Variants in MAN1A1 observed in about 807,000 individuals in gnomAD.
MAN1A1 encodes mannosyl-oligosaccharide 1,2-alpha-mannosidase IA.
In MAN1A1, 29 loss-of-function variants were observed where a neutral mutation model predicts 70.8. That is an observed-to-expected ratio of 0.41 (90% CI 0.31 to 0.56). The LOEUF (loss-of-function observed/expected upper bound fraction) is 0.56. MAN1A1 is among the 20% of genes least tolerant of loss of function. The pLI, the probability that MAN1A1 is intolerant of heterozygous loss-of-function variation, is 0.29. For synonymous variants in MAN1A1, 349 were observed against 330.1 expected (o/e 1.06, Z -0.62); for missense variants, 747 against 841.3 (o/e 0.89, Z 1.39).
At chr6:119,273,097 A>T (rs1035714587) in intron 5 of MAN1A1, among the ~76,000 whole-genome samples, 1 of 152,206 alleles carries the variant, frequency 6.6e-6, no homozygotes, top group East Asian at 1.9e-4. Context: ...AGTTAAAAAA[A>T]TTTAAATCTT....
At chr6:119,255,317 T>C (rs189452689) in intron 5 of MAN1A1, among the ~76,000 whole-genome samples, 4 of 152,348 alleles carry the variant, frequency 2.6e-5, no homozygotes, top group Admixed American at 6.5e-5. Context: ...TCACCATTTG[T>C]ACAAGTACAG....
intron 2 of MAN1A1, chr6:119,331,984 C>T (rs1773329504): frequency 3.9e-6 from 2 of 507,894 alleles, no homozygotes; most frequent in African/African-American, 1.9e-5. Flanking sequence ...AATTTGCTTG[C>T]CCCTTCCTGG....
intron 6 of MAN1A1, among the ~76,000 whole-genome samples, chr6:119,222,389 T>C (rs1442301952): frequency 6.7e-6 from 1 of 149,750 alleles, no homozygotes; most frequent in Non-Finnish European, 1.5e-5. Context: ...TGCAGTGGTG[T>C]GGTCATGGCT....
chr6:119,345,665 TGAC>T (rs1413052889), intron 2 of MAN1A1, among the ~76,000 whole-genome samples: 5 of 152,244 alleles, frequency 3.3e-5, no homozygotes, highest in Non-Finnish European at 7.3e-5. Flanking sequence ...TAGTATTGAC[TGAC>T]TTTGAACCAA....
chr6:119,233,857 G>T (rs1174120271), intron 6 of MAN1A1, among the ~76,000 whole-genome samples: 1 of 152,160 alleles, frequency 6.6e-6, no homozygotes, highest in African/African-American at 2.4e-5. Flanking sequence ...GTTATAGAGT[G>T]CCACCAATGC....
At chr6:119,311,278 T>G (rs1772692379) in intron 2 of MAN1A1, among the ~76,000 whole-genome samples, 1 of 152,206 alleles carries the variant, frequency 6.6e-6, no homozygotes, top group Admixed American at 6.5e-5. Flanking sequence ...TAATTTTTCC[T>G]AGTATAACAC....
At chr6:119,224,080 T>G (rs1303075922) in intron 6 of MAN1A1, among the ~76,000 whole-genome samples, 1 of 152,146 alleles carries the variant, frequency 6.6e-6, no homozygotes, top group Non-Finnish European at 1.5e-5. Context: ...GGTGGAATCC[T>G]GGAAACAAGT....
At chr6:119,193,969 T>C in intron 8 of MAN1A1, 77 bp from the exon 9 acceptor site, 1 of 815,888 alleles carries the variant, frequency 1.2e-6, no homozygotes, top group Non-Finnish European at 2.1e-6. Context: ...CATTAGCAAC[T>C]AGGATGCAAC....
chr6:119,350,441 A>G (rs1773882393), upstream of MAN1A1: 1 of 643,378 alleles, frequency 1.6e-6, no homozygotes, highest in Non-Finnish European at 1.9e-6. Context: ...CTTTTTTCGT[A>G]TGCGCCCTTT....
Position 119,211,413 on chromosome 6 carries a change from C to T in MAN1A1, c.993-6531G>A, listed in dbSNP as rs554306407. The stretch of plus-strand genomic sequence containing the variant: ...ATCAGCAACAGATATCTGTGCATCA[C>T]GCACATGTTTTATCCCAAAGTCTAC... On this transcript the variant is annotated intron_variant, in intron 6 of 12. Coordinates refer to ENST00000368468, the MANE Select transcript of MAN1A1 (RefSeq NM_005907.4). 5.9e-4 allele frequency among the ~76,000 whole-genome samples: 90 copies of T among 152,346 alleles called. 1 individual carries two copies. In the Middle Eastern group the frequency reaches 0.01, roughly 17 times the overall value.
chr6:119,295,093 ATC>A (rs1219588327), intron 4 of MAN1A1, among the ~76,000 whole-genome samples: 1 of 152,246 alleles, frequency 6.6e-6, no homozygotes, highest in African/African-American at 2.4e-5. Flanking sequence ...ATCATGCTCC[ATC>A]TCTCTGCAAA....
chr6:119,299,030 T>C (rs1338607990), intron 4 of MAN1A1, among the ~76,000 whole-genome samples: 1 of 152,090 alleles, frequency 6.6e-6, no homozygotes, highest in Non-Finnish European at 1.5e-5. Context: ...TCTTTTTTTT[T>C]TGCTAAGGCT....
At chr6:119,269,327 G>A (rs1775849363) in intron 5 of MAN1A1, 2 of 251,280 alleles carry the variant, frequency 8.0e-6, no homozygotes, top group Admixed American at 1.1e-4. Context: ...CCCCAGATAG[G>A]CAAATTTTCT....
intron 5 of MAN1A1, chr6:119,269,040 T>G (rs1001812951): frequency 3.3e-5 from 5 of 152,850 alleles, no homozygotes; most frequent in African/African-American, 1.2e-4. Flanking sequence ...CTGTGGCACC[T>G]GGATTGCCAC....
At chr6:119,189,567 G>T in intron 10 of MAN1A1, 97 bp downstream of exon 10, 1 of 1,042,394 alleles carries the variant, frequency 9.6e-7, no homozygotes, top group Non-Finnish European at 1.5e-6. Flanking sequence ...AAGCTTCATA[G>T]GCAGAGCGGA....
chr6:119,219,106 AG>A (rs1774286280), intron 6 of MAN1A1, among the ~76,000 whole-genome samples: 1 of 152,180 alleles, frequency 6.6e-6, no homozygotes, highest in South Asian at 2.1e-4. Flanking sequence ...ACATTAAGTG[AG>A]GACTTACTGT....
At chr6:119,263,568 T>C (rs980818) in intron 5 of MAN1A1, among the ~76,000 whole-genome samples, 1 of 151,900 alleles carries the variant, frequency 6.6e-6, no homozygotes, top group Non-Finnish European at 1.5e-5. Context: ...TTATTACTTG[T>C]GTGAAAAAAT....
chr6:119,183,683 G>A (rs1375431243), intron 11 of MAN1A1, among the ~76,000 whole-genome samples: 1 of 152,090 alleles, frequency 6.6e-6, no homozygotes, highest in East Asian at 1.9e-4. Context: ...TTTGTTAGAG[G>A]AGTTGCTTTT....
chr6:119,314,917 G>A (rs1454276372), intron 2 of MAN1A1, among the ~76,000 whole-genome samples: 1 of 152,138 alleles, frequency 6.6e-6, no homozygotes, highest in African/African-American at 2.4e-5. Context: ...ACAAGATGGT[G>A]TTGTCCTATT....
Sources: allele counts gnomAD v4.1 joint callset (sites outside exome capture counted in the v4.1 genomes callset), GRCh38; gene constraint gnomAD v4.1.1; transcripts MANE v1.5; gene names NCBI Gene and HGNC (gene_info 2026-07-23, HGNC 2026-07-21).